Variants in ABCB5 observed in about 807,000 individuals in gnomAD.
ABCB5 encodes the protein ATP-binding cassette sub-family B member 5.
Under a neutral mutation model 144.2 loss-of-function variants are expected in ABCB5, and 155 were observed. The observed-to-expected ratio is 1.08, with a 90% CI of 0.94 to 1.23. The LOEUF is 1.23. Among genes scored for constraint, ABCB5 ranks in the 50% most tolerant of loss-of-function variants. The probability of loss-of-function intolerance (pLI) is 0.00; values close to 1 mark genes in which losing one functional copy is unlikely to be tolerated. For synonymous variants in ABCB5, 610 were observed against 528.6 expected, an observed-to-expected ratio of 1.15 and a Z score of -2.11; for missense variants, 1,830 against 1,520.8, an observed-to-expected ratio of 1.20 and a Z score of -3.38.
chr7:20,636,861 G>A (rs1185181618), intron 5 of ABCB5, among the ~76,000 whole-genome samples: 1 of 149,326 alleles, frequency 6.7e-6, no homozygotes, highest in Non-Finnish European at 1.5e-5. Flanking sequence ...AACTATTAAT[G>A]TATTCAGTAT....
At chr7:20,726,913 T>C in intron 21 of ABCB5, 127 bp from the exon 22 acceptor site, 1 of 502,166 alleles carries the variant, frequency 2.0e-6, no homozygotes, top group East Asian at 3.3e-5. Context: ...CTAAGAATAT[T>C]TGTCAGGAAA....
At chr7:20,660,433 A>T in intron 14 of ABCB5, 1 of 981,446 alleles carries the variant, frequency 1.0e-6, no homozygotes, top group Middle Eastern at 5.2e-4. Flanking sequence ...CTGGGTCAGG[A>T]TAAAGGGTAA....
At chr7:20,617,357 T>G (rs1783710741) in intron 1 of ABCB5, among the ~76,000 whole-genome samples, 1 of 152,234 alleles carries the variant, frequency 6.6e-6, no homozygotes, top group South Asian at 2.1e-4. Flanking sequence ...GTGTCTGATA[T>G]CTTTAACATG....
intron 14 of ABCB5, chr7:20,660,542 C>A: frequency 2.2e-6 from 1 of 452,164 alleles, no homozygotes; most frequent in Non-Finnish European, 2.9e-6. Context: ...CAAATACAGG[C>A]AGGGTGATGG....
At chr7:20,734,510 G>C (rs1462326255) in intron 23 of ABCB5, among the ~76,000 whole-genome samples, 1 of 151,196 alleles carries the variant, frequency 6.6e-6, no homozygotes, top group East Asian at 1.9e-4. Context: ...TAGCTACAAG[G>C]ATGGATTATC....
intron 25 of ABCB5, among the ~76,000 whole-genome samples, chr7:20,743,882 G>A (rs1220122296): frequency 3.3e-5 from 5 of 152,036 alleles, no homozygotes; most frequent in East Asian, 1.9e-4. Flanking sequence ...TCATCTATTC[G>A]CACATAGCAT....
intron 16 of ABCB5, among the ~76,000 whole-genome samples, chr7:20,694,164 G>C (rs953491046): frequency 7.3e-5 from 11 of 150,124 alleles, no homozygotes; most frequent in Non-Finnish European, 1.5e-4. Flanking sequence ...TAGACAATGA[G>C]ATTACAAAAA....
In ABCB5 at chr7:20,728,341, T is replaced by C. The variant is rs753227856; in HGVS notation, c.2753T>C (p.Ile918Thr). Reference sequence around the variant, plus strand: ...AATACCTCGAAGAAAGCACAGATTATTGGAAGCTGTTATGCATTCAGCCAT... The same window carrying C: ...AATACCTCGAAGAAAGCACAGATTACTGGAAGCTGTTATGCATTCAGCCAT... ...HRNTSKKAQIIGSCYAFSHAF... is the reference protein window; with the variant it reads ...HRNTSKKAQITGSCYAFSHAF... The change falls in exon 23 of 28, where the codon ATT becomes ACT. Residue 918 changes from isoleucine to threonine, a missense_variant. Coordinates refer to ENST00000404938, the MANE Select transcript of ABCB5 (RefSeq NM_001163941.2). The C allele has an allele frequency of 3.7e-6, 6 of 1,614,140 alleles. No homozygotes were observed. Among genetic ancestry groups the C allele is most frequent in the South Asian group, 1.1e-5 (1 of 91,082 alleles).
chr7:20,647,929 T>G, intron 10 of ABCB5, 39 bp from the exon 11 acceptor site: 1 of 1,318,506 alleles, frequency 7.6e-7, no homozygotes, highest in Non-Finnish European at 1.1e-6. Flanking sequence ...GTCAGTTTAC[T>G]CCTTTGAAGA....
rs74474669 is a variant in ABCB5, at chr7:20,703,776, T to C, written c.2338-948T>C. On this transcript the variant is annotated intron_variant, in intron 19 of 27. Coordinates refer to ENST00000404938, the MANE Select transcript of ABCB5 (RefSeq NM_001163941.2). The stretch of plus-strand genomic sequence containing the variant: ...CCTCAGGCTGAGAAGCACTAAGATG[T>C]GCTGTCTCCATTTGCTGTTGAAAAT... 1.0e-3 allele frequency among the ~76,000 whole-genome samples: 153 copies of C among 152,332 alleles called. 5 individuals carry two copies. The East Asian group carries it at 0.023, about 23-fold the overall frequency.
chr7:20,748,212 A>C (rs568343805), intron 26 of ABCB5, among the ~76,000 whole-genome samples: 29 of 152,352 alleles, frequency 1.9e-4, no homozygotes, highest in Admixed American at 9.8e-4. Context: ...TCAGAAGAGC[A>C]GTCCAAAGCA....
intron 4 of ABCB5, among the ~76,000 whole-genome samples, chr7:20,630,778 T>G (rs944766765): frequency 6.6e-6 from 1 of 152,186 alleles, no homozygotes; most frequent in Non-Finnish European, 1.5e-5. Context: ...AAGTTTATTC[T>G]GTAATTGATT....
chr7:20,618,074 T>G (rs1471612230), intron 1 of ABCB5, among the ~76,000 whole-genome samples: 1 of 152,232 alleles, frequency 6.6e-6, no homozygotes, highest in Non-Finnish European at 1.5e-5. Flanking sequence ...TATCATAGAA[T>G]GTACCCATTT....
chr7:20,669,076 C>T (rs1785356374), intron 14 of ABCB5, among the ~76,000 whole-genome samples: 1 of 150,882 alleles, frequency 6.6e-6, no homozygotes, highest in African/African-American at 2.4e-5. Flanking sequence ...CTCTGCCTGG[C>T]CAGCCGCCCC....
chr7:20,681,054 CTCTCTCTT>C (rs1785794321), intron 14 of ABCB5, among the ~76,000 whole-genome samples: 2 of 45,364 alleles, frequency 4.4e-5, no homozygotes, highest in Non-Finnish European at 7.3e-5. Flanking sequence ...CTTTCTCTCT[CTCTCTCTT>C]TCTTTCTTTC....
In ABCB5 at chr7:20,710,567, G is replaced by C. The variant is rs542560548; in HGVS notation, c.2421+5760G>C. 2.0e-5 allele frequency among the ~76,000 whole-genome samples: 3 copies of C among 149,296 alleles called. No individual in the cohort carries two copies. The South Asian group carries it at 6.5e-4, about 32-fold the overall frequency. On this transcript the variant is annotated intron_variant, in intron 20 of 27. Coordinates refer to ENST00000404938, the MANE Select transcript of ABCB5 (RefSeq NM_001163941.2). The stretch of plus-strand genomic sequence containing the variant: ...AAAAGCAGATAGAGGGTCAGATTTG[G>C]CCTGTAATCTATAGTTTGTCAACCC...
At position 20,684,133 on chromosome 7, in the gene ABCB5, T is replaced by C. The variant is rs540632396; in HGVS notation, c.1870-1563T>C. Among the ~76,000 whole-genome samples, 6 of 152,360 alleles carry C rather than the reference T, an allele frequency of 3.9e-5. No individual in the cohort carries two copies. The South Asian group carries it at 6.2e-4, about 16-fold the overall frequency. ...ATTGTTAGTGTAATAAATTTTATTA[T>C]GTTATTGACATTAACATTATTTTAT... On this transcript the variant is annotated intron_variant, in intron 15 of 27. Coordinates refer to ENST00000404938, the MANE Select transcript of ABCB5 (RefSeq NM_001163941.2).
intron 11 of ABCB5, 96 bp downstream of exon 11, chr7:20,648,174 T>A: frequency 2.5e-6 from 2 of 784,794 alleles, no homozygotes; most frequent in Non-Finnish European, 4.1e-6. Context: ...ATCACTTTTT[T>A]CCAAGATTTT....
intron 20 of ABCB5, among the ~76,000 whole-genome samples, chr7:20,712,930 G>A (rs976220751): frequency 2.0e-5 from 3 of 148,922 alleles, no homozygotes; most frequent in African/African-American, 7.5e-5. Flanking sequence ...CTATTTTCTT[G>A]GTAATTTTCA....
Sources: allele counts gnomAD v4.1 joint callset (sites outside exome capture counted in the v4.1 genomes callset), GRCh38; gene constraint gnomAD v4.1.1; transcripts MANE v1.5; gene names NCBI Gene and HGNC (gene_info 2026-07-23, HGNC 2026-07-21).